AFAP1L2: variants seen among roughly 807,000 people sequenced by gnomAD.
AFAP1L2 encodes the protein actin filament associated protein 1 like 2, also known as actin filament-associated protein 1-like 2.
Under a neutral mutation model 99.3 loss-of-function variants are expected in AFAP1L2, and 46 were observed. The observed-to-expected ratio is 0.46, with a 90% confidence interval of 0.37 to 0.59. The LOEUF (loss-of-function observed/expected upper bound fraction) is 0.59. Ranked by LOEUF, AFAP1L2 falls within the 20% of genes least tolerant of loss-of-function variation. The probability of loss-of-function intolerance (pLI) is 0.00; values close to 1 mark genes in which losing one functional copy is unlikely to be tolerated. For missense variants in AFAP1L2, 959 were observed against 1,034.9 expected (o/e 0.93, Z 1.01); for synonymous variants, 397 against 419.1 (o/e 0.95, Z 0.64).
intron 4 of AFAP1L2, among the ~76,000 whole-genome samples, chr10:114,324,436 G>A (rs866133463): frequency 2.8e-5 from 4 of 141,840 alleles, no homozygotes; most frequent in African/African-American, 5.6e-5. Flanking sequence ...ATTTTTAGCA[G>A]AGATGGGGTT....
chr10:114,363,134 G>T (rs2052684453), intron 1 of AFAP1L2: 1 of 985,416 alleles, frequency 1.0e-6, no homozygotes, highest in Non-Finnish European at 1.2e-6. Flanking sequence ...GCAGGAGCAG[G>T]TTCTGAACAC....
chr10:114,354,962 C>T (rs1174292948), intron 1 of AFAP1L2, among the ~76,000 whole-genome samples: 4 of 152,168 alleles, frequency 2.6e-5, no homozygotes, highest in Non-Finnish European at 5.9e-5. Context: ...TCCATATAAA[C>T]CATTCCCTAT....
chr10:114,305,443 G>C (rs1400094966), intron 10 of AFAP1L2, among the ~76,000 whole-genome samples: 2 of 139,834 alleles, frequency 1.4e-5, no homozygotes, highest in African/African-American at 2.7e-5. Flanking sequence ...GGACGCAGAT[G>C]CAGGAGGGGA....
chr10:114,291,286 A>G, downstream of AFAP1L2: 1 of 1,535,906 alleles, frequency 6.5e-7, no homozygotes, highest in Non-Finnish European at 8.8e-7. Context: ...CCTCCCAGCA[A>G]CTACAGAGAA....
chr10:114,395,238 G>T (rs996750449), intron 1 of AFAP1L2, among the ~76,000 whole-genome samples: 2 of 152,174 alleles, frequency 1.3e-5, no homozygotes, highest in African/African-American at 4.8e-5. Context: ...CTAGAATTGG[G>T]TGCCGCAAAA....
the AFAP1L2 span, among the ~76,000 whole-genome samples, chr10:114,287,427 C>T: frequency 6.6e-6 from 1 of 152,112 alleles, no homozygotes; most frequent in East Asian, 1.9e-4. Flanking sequence ...GCAATCCACC[C>T]ACCTCAGCCT....
chr10:114,315,049 G>A (rs2043894574), intron 6 of AFAP1L2, among the ~76,000 whole-genome samples: 1 of 152,200 alleles, frequency 6.6e-6, no homozygotes, highest in Non-Finnish European at 1.5e-5. Context: ...GCTGAGGCAG[G>A]AGAATCACTT....
the AFAP1L2 span, among the ~76,000 whole-genome samples, chr10:114,285,138 T>C: frequency 6.6e-6 from 1 of 152,192 alleles, no homozygotes; most frequent in Non-Finnish European, 1.5e-5. Context: ...CTGTCAGTGC[T>C]CCGTGAGTAG....
chr10:114,311,223 G>A (rs532014162), intron 7 of AFAP1L2, among the ~76,000 whole-genome samples: 1 of 152,290 alleles, frequency 6.6e-6, no homozygotes, highest in African/African-American at 2.4e-5. Flanking sequence ...GATGCAGAAA[G>A]TCAGCAGTGG....
rs550334840 is a variant in AFAP1L2, at chr10:114,360,510, T to C, written c.17-19779A>G. On this transcript the variant is annotated intron_variant, in intron 1 of 18. Coordinates refer to ENST00000304129, the MANE Select transcript of AFAP1L2 (RefSeq NM_001001936.3). ...CTAGATAGATAGATAGATAGATAGT[T>C]AGATAGATAGATAGATAGATAGATA... Among the ~76,000 whole-genome samples, 4 of 64,576 alleles carry C rather than the reference T, an allele frequency of 6.2e-5. No individual in the cohort carries two copies. The East Asian group carries it at 2.5e-3, about 40-fold the overall frequency. The allele number at this position is 64,576 out of a possible 152,430, so 42.4% of individuals were successfully genotyped here. A position where few individuals can be genotyped will look rare whatever the true frequency, so the allele number is the denominator to read the frequency against.
the AFAP1L2 span, among the ~76,000 whole-genome samples, chr10:114,283,411 G>A: frequency 3.9e-5 from 6 of 152,030 alleles, no homozygotes; most frequent in East Asian, 3.9e-4. Context: ...GCAGGGTAGC[G>A]AGTGTCCCTA....
chr10:114,385,113 T>C (rs896603272), intron 1 of AFAP1L2, among the ~76,000 whole-genome samples: 23 of 151,504 alleles, frequency 1.5e-4, no homozygotes, highest in Middle Eastern at 3.4e-3. Context: ...TGAAGGTGGG[T>C]GTGATCGGGA....
chr10:114,395,712 T>A (rs375212366), intron 1 of AFAP1L2, among the ~76,000 whole-genome samples: 12 of 152,208 alleles, frequency 7.9e-5, no homozygotes, highest in African/African-American at 2.9e-4. Flanking sequence ...CCCAAACAGA[T>A]GCCAGTGTGC....
At chr10:114,390,652 C>T (rs564315208) in intron 1 of AFAP1L2, among the ~76,000 whole-genome samples, 17 of 140,960 alleles carry the variant, frequency 1.2e-4, no homozygotes, top group African/African-American at 4.3e-4. Flanking sequence ...ACCTGGGAGG[C>T]GGAGGTTGCA....
In AFAP1L2 at chr10:114,326,091, C is replaced by G; in HGVS notation, c.316-2830G>C. 5.6e-6 allele frequency: 7 copies of G among 1,259,146 alleles called. No individual in the cohort carries two copies. The South Asian group carries it at 9.0e-5, about 16-fold the overall frequency. 78.0% of individuals were successfully genotyped at this position (1,259,146 alleles called of 1,614,324 possible). ...GAGTGAACCCTTCTGCAGGAGCTCC[C>G]CATGGGTCATCATCACCACAGGGTC... On this transcript the variant is annotated intron_variant, in intron 4 of 18. Transcript: ENST00000304129.
At chr10:114,297,499 C>G in intron 16 of AFAP1L2, 86 bp from the exon 17 acceptor site, 1 of 1,382,878 alleles carries the variant, frequency 7.2e-7, no homozygotes, top group African/African-American at 1.4e-5. Flanking sequence ...GGTCTACATA[C>G]CCCGCCACCC....
In AFAP1L2 at chr10:114,323,251, C is replaced by T. The variant is rs755610281; in HGVS notation, c.326G>A (p.Arg109Gln). 2.8e-5 allele frequency: 45 copies of T among 1,595,006 alleles called. No individual in the cohort carries two copies. Among genetic ancestry groups the T allele is most frequent in the East Asian group, 4.5e-5 (2 of 44,334 alleles). ...DLPPPKMIPE[R>Q]KQLAIPKTES... is the part of the protein sequence containing the mutation. Reference sequence around the variant, plus strand: ...CGTCTTTGGGATGGCAAGCTGTTTCCGTTCTGGAATCTGTGGTATGAACAA... The same window carrying T: ...CGTCTTTGGGATGGCAAGCTGTTTCTGTTCTGGAATCTGTGGTATGAACAA... The change falls in exon 5 of 19, where the codon CGG becomes CAG. Residue 109 changes from arginine to glutamine, a missense_variant. Coordinates refer to ENST00000304129, the MANE Select transcript of AFAP1L2 (RefSeq NM_001001936.3).
intron 1 of AFAP1L2, among the ~76,000 whole-genome samples, chr10:114,358,199 T>A (rs1487113476): frequency 6.6e-6 from 1 of 152,120 alleles, no homozygotes; most frequent in Non-Finnish European, 1.5e-5. Flanking sequence ...GATTAATAGG[T>A]TTTATGATGG....
At position 114,331,748 on chromosome 10, in the gene AFAP1L2, T is replaced by G. The variant is rs956867089; in HGVS notation, c.315+55A>C. On this transcript the variant is annotated intron_variant, in intron 4 of 18. Coordinates refer to ENST00000304129, the MANE Select transcript of AFAP1L2 (RefSeq NM_001001936.3). ...GTGAGCTGACACCTGTGGAGACAACTGGAAGTTCAAGGGGCTCACGTCAGG... is the reference window on the plus strand; with the variant it reads ...GTGAGCTGACACCTGTGGAGACAACGGGAAGTTCAAGGGGCTCACGTCAGG... 2.4e-6 allele frequency: 3 copies of G among 1,231,264 alleles called. No individual in the cohort carries two copies. In the African/African-American group the frequency reaches 4.7e-5, roughly 19 times the overall value. 76.3% of individuals were successfully genotyped at this position (1,231,264 alleles called of 1,614,324 possible).
Sources: gnomAD v4.1 joint callset for allele counts (sites outside exome capture counted in the v4.1 genomes callset) on GRCh38, gnomAD v4.1.1 for gene constraint, MANE v1.5 for transcripts, NCBI Gene and HGNC (gene_info 2026-07-23, HGNC 2026-07-21) for gene names.